APOL2: variants seen among roughly 807,000 people sequenced by gnomAD.
APOL2 encodes the protein apolipoprotein L, 2.
APOL2 carries 8 observed loss-of-function variants against 7.1 expected under a neutral mutation model. The ratio of observed to expected loss-of-function variants is 1.12; its 90% CI spans 0.66 to 2.03. The LOEUF (loss-of-function observed/expected upper bound fraction) is 2.03. Ranked by LOEUF, APOL2 falls within the 30% of genes most tolerant of loss-of-function variation. APOL2 has a pLI of 0.00. For missense variants in APOL2, 471 were observed against 415.1 expected (o/e 1.13, Z -1.17); for synonymous variants, 177 against 159.9 (o/e 1.11, Z -0.81).
intron 1 of APOL2, chr22:36,237,075 T>A: frequency 1.3e-6 from 2 of 1,528,940 alleles, no homozygotes; most frequent in Non-Finnish European, 1.8e-6. Context: ...CCAATACTTG[T>A]GAGGAGCTGC....
chr22:36,232,537 G>A (rs115382532), intron 3 of APOL2, among the ~76,000 whole-genome samples: 280 of 152,324 alleles, frequency 1.8e-3, no homozygotes, highest in Middle Eastern at 6.8e-3. Flanking sequence ...TTTAATCTTC[G>A]TGACAACATG....
chr22:36,230,819 A>G (rs1316126790), intron 4 of APOL2, among the ~76,000 whole-genome samples: 1 of 152,192 alleles, frequency 6.6e-6, no homozygotes, highest in African/African-American at 2.4e-5. Context: ...TCAGATGAGA[A>G]AAAAGGCCCC....
At chr22:36,236,412 A>G (rs2015404755) in intron 1 of APOL2, among the ~76,000 whole-genome samples, 1 of 152,240 alleles carries the variant, frequency 6.6e-6, no homozygotes, top group African/African-American at 2.4e-5. Context: ...ACAGCTACAA[A>G]GTTGCTAATG....
chr22:36,237,533 CA>C (rs1432390393), intron 1 of APOL2, among the ~76,000 whole-genome samples: 1 of 152,166 alleles, frequency 6.6e-6, no homozygotes, highest in Non-Finnish European at 1.5e-5. Context: ...CTCAGCCTTC[CA>C]GGTAGCTGGG....
At chr22:36,233,350 C>A in intron 2 of APOL2, 52 bp downstream of exon 2, 1 of 1,572,270 alleles carries the variant, frequency 6.4e-7, no homozygotes, top group Non-Finnish European at 8.6e-7. Context: ...CAGCAAATGT[C>A]CAGAGTGTTT....
At chr22:36,228,585 T>C (rs1377125392) in intron 4 of APOL2, among the ~76,000 whole-genome samples, 2 of 152,036 alleles carry the variant, frequency 1.3e-5, no homozygotes, top group African/African-American at 4.8e-5. Context: ...TGCCAAAGTG[T>C]TTGGAGAGGG....
Position 36,227,296 on chromosome 22 carries a change from A to C in APOL2, c.*108T>G, listed in dbSNP as rs1285279335. 1 of 1,363,446 alleles carries C rather than the reference A, an allele frequency of 7.3e-7. No homozygotes were observed. Among genetic ancestry groups the C allele is most frequent in the African/African-American group, 1.6e-5 (1 of 60,630 alleles). The allele number at this position is 1,363,446 out of a possible 1,614,324, so 84.5% of individuals were successfully genotyped here. ...GAGCCACTGCACTCCATCCTGGGCGATAGAGCGAGACTCCATCTCAAAAAA... is the reference window on the plus strand; with the variant it reads ...GAGCCACTGCACTCCATCCTGGGCGCTAGAGCGAGACTCCATCTCAAAAAA... On this transcript the variant is annotated 3_prime_UTR_variant, in exon 5 of 5. Coordinates refer to ENST00000358502, the MANE Select transcript of APOL2 (RefSeq NM_030882.4).
At chr22:36,236,592 T>C (rs1390346942) in intron 1 of APOL2, 1 of 985,446 alleles carries the variant, frequency 1.0e-6, no homozygotes, top group East Asian at 1.1e-4. Context: ...TGTTCTTTTC[T>C]CACCTTGTGT....
Position 36,228,027 on chromosome 22 carries a change from T to C in APOL2, c.391A>G (p.Thr131Ala), listed in dbSNP as rs201782732. ...GGTGCCAGACCCAGGCCGAGGAGGG[T>C]CAGGATGCCAGAGGTAGTGCCAACA... Reference protein sequence around the residue: ...NSVGTTSGILTLLGLGLAPFT... With the variant: ...NSVGTTSGILALLGLGLAPFT... Residue 131 changes from threonine to alanine, a missense_variant, in exon 5 of 5, where the codon ACC (threonine) becomes GCC (alanine). Thr to Ala is a moderately conservative substitution (Grantham distance 58). Coordinates refer to ENST00000358502, the MANE Select transcript of APOL2 (RefSeq NM_030882.4). 8.1e-6 allele frequency: 13 copies of C among 1,614,078 alleles called. No homozygotes were observed. Among genetic ancestry groups the C allele is most frequent in the African/African-American group, 2.7e-5 (2 of 74,990 alleles).
In APOL2 at chr22:36,232,219, C is replaced by G. The variant is rs77158087; in HGVS notation, c.11-753G>C. ...TTTTCATCATAACATGAAGCCTCTT[C>G]CAGTTTGGTTTTCTCAATTCATGAA... On this transcript the variant is annotated intron_variant, in intron 3 of 4. Coordinates refer to ENST00000358502, the MANE Select transcript of APOL2 (RefSeq NM_030882.4). 5.1e-4 allele frequency among the ~76,000 whole-genome samples: 78 copies of G among 152,352 alleles called. No individual in the cohort carries two copies. The Middle Eastern group carries it at 0.014, about 27-fold the overall frequency.
intron 1 of APOL2, chr22:36,238,994 T>C (rs546284362): frequency 2.3e-5 from 11 of 474,408 alleles, no homozygotes; most frequent in African/African-American, 1.6e-4. Flanking sequence ...GTTGTTCCCA[T>C]TGGGCTTCAG....
chr22:36,228,226 G>C lies in APOL2; in HGVS notation c.192C>G (p.Val64=). The C allele has an allele frequency of 5.0e-6, 8 of 1,614,148 alleles. No homozygotes were observed. Among genetic ancestry groups the C allele is most frequent in the Non-Finnish European group, 6.8e-6 (8 of 1,180,020 alleles). ...KALNKLASHM[V]MKDKNRHDKD... ...TATCGTGGCGGTTTTTGTCCTTCATGACCATGTGACTTGCAAGCTTGTTCA... is the reference window on the plus strand; with the variant it reads ...TATCGTGGCGGTTTTTGTCCTTCATCACCATGTGACTTGCAAGCTTGTTCA... Residue 64 remains valine, a synonymous_variant, in exon 5 of 5, where the codon GTC becomes GTG. Transcript: ENST00000358502.
chr22:36,230,500 C>T (rs1035284597), intron 4 of APOL2, among the ~76,000 whole-genome samples: 2 of 152,100 alleles, frequency 1.3e-5, no homozygotes, highest in African/African-American at 4.8e-5. Context: ...CACCCTAGTC[C>T]CAGCCCTGGT....
chr22:36,237,948 C>T (rs73165559), intron 1 of APOL2, among the ~76,000 whole-genome samples: 17,816 of 152,158 alleles, frequency 0.12, 1,227 homozygotes, highest in African/African-American at 0.17. Flanking sequence ...GGAATGTCCC[C>T]CCCACTGTCC....
intron 1 of APOL2, among the ~76,000 whole-genome samples, chr22:36,235,167 T>G (rs914998109): frequency 6.6e-5 from 10 of 152,224 alleles, no homozygotes; most frequent in African/African-American, 2.4e-4. Context: ...CCATATGGGA[T>G]TCATGCCAGC....
rs1157216884 is a variant in APOL2, at chr22:36,226,597, G to T, written c.*807C>A. The T allele has an allele frequency of 6.6e-6, 1 of 152,508 alleles. No homozygotes were observed. The highest frequency in any genetic ancestry group is 1.5e-5 in the Non-Finnish European group (1 of 68,298). 9.4% of individuals were successfully genotyped at this position (152,508 alleles called of 1,614,324 possible). On this transcript the variant is annotated 3_prime_UTR_variant, in exon 5 of 5. Transcript: ENST00000358502. Reference sequence around the variant, plus strand: ...CCCAGAAGGACAAGGGAGAGTGGATGCTGGAAAGACAGAGCGAGAGACCAT... The same window carrying T: ...CCCAGAAGGACAAGGGAGAGTGGATTCTGGAAAGACAGAGCGAGAGACCAT...
chr22:36,233,567 A>C (rs2015304712), intron 1 of APOL2, 112 bp from the exon 2 acceptor site: 2 of 998,620 alleles, frequency 2.0e-6, no homozygotes. Context: ...TCTGACAATG[A>C]CCTGGGCCTG....
At position 36,228,168 on chromosome 22, in the gene APOL2, CTT is replaced by C. The variant is rs755768389; in HGVS notation, c.248_249del (p.Lys83ArgfsTer10). The C allele has an allele frequency of 6.8e-6, 11 of 1,614,224 alleles. No homozygotes were observed. In the South Asian group the frequency reaches 9.9e-5, roughly 14 times the overall value. On this transcript the variant is annotated frameshift_variant, in exon 5 of 5. Coordinates refer to ENST00000358502, the MANE Select transcript of APOL2 (RefSeq NM_030882.4). LOFTEE classifies it low-confidence loss of function (END_TRUNC). ...KDQQHRQWFL[K>X]EFPRLKRELE... ...AGCTCCCTTTTCAACCGAGGAAACT[CTT>C]TCAAAAACCACTGCCTGTGCTGCTG...
At chr22:36,237,582 A>T (rs1264183987) in intron 1 of APOL2, among the ~76,000 whole-genome samples, 1 of 150,460 alleles carries the variant, frequency 6.6e-6, no homozygotes, top group Non-Finnish European at 1.5e-5. Context: ...CTAATTTGTT[A>T]ATTTTTCATT....
Sources: allele counts gnomAD v4.1 joint callset (sites outside exome capture counted in the v4.1 genomes callset), GRCh38; gene constraint gnomAD v4.1.1; transcripts MANE v1.5; gene names NCBI Gene and HGNC (gene_info 2026-07-23, HGNC 2026-07-21).